Variants in SUPT3H observed in about 807,000 individuals in gnomAD.
SUPT3H encodes the protein transcription initiation protein SPT3 homolog.
A neutral mutation model predicts 44.3 loss-of-function variants in SUPT3H; 44 were observed. The ratio of observed to expected loss-of-function variants is 0.99; its 90% CI spans 0.78 to 1.28. The LOEUF (loss-of-function observed/expected upper bound fraction) is 1.28, where lower values mean the gene tolerates loss of function less well. Ranked by LOEUF, SUPT3H falls within the 50% of genes most tolerant of loss-of-function variation. The probability of loss-of-function intolerance (pLI) is 0.00; values close to 1 mark genes in which losing one functional copy is unlikely to be tolerated. For missense variants in SUPT3H, 380 were observed against 387.1 expected, an observed-to-expected ratio of 0.98 and a Z score of 0.15; for synonymous variants, 124 against 125.6, an observed-to-expected ratio of 0.99 and a Z score of 0.09.
chr6:45,173,957 C>T (rs1811253835), intron 2 of SUPT3H, among the ~76,000 whole-genome samples: 1 of 152,110 alleles, frequency 6.6e-6, no homozygotes, highest in Non-Finnish European at 1.5e-5. Context: ...ACTTTTGTGC[C>T]CCTGCTGCCC....
chr6:45,224,584 C>T (rs1277351205), intron 2 of SUPT3H, among the ~76,000 whole-genome samples: 1 of 152,052 alleles, frequency 6.6e-6, no homozygotes, highest in Non-Finnish European at 1.5e-5. Flanking sequence ...TCGAGACCAG[C>T]CTGGCCAAGA....
intron 2 of SUPT3H, among the ~76,000 whole-genome samples, chr6:45,127,329 TAATAAA>T (rs1802595245): frequency 6.6e-6 from 1 of 151,928 alleles, no homozygotes; most frequent in African/African-American, 2.4e-5. Flanking sequence ...AAATAAATAA[TAATAAA>T]AATAACAACT....
intron 10 of SUPT3H, among the ~76,000 whole-genome samples, chr6:44,870,356 T>A (rs1412678285): frequency 6.6e-6 from 1 of 151,868 alleles, no homozygotes; most frequent in Non-Finnish European, 1.5e-5. Context: ...CAGCACTTCG[T>A]GAGTCTGAGG....
chr6:44,816,251 A>G (rs1336390088), intron 11 of SUPT3H, among the ~76,000 whole-genome samples: 1 of 152,206 alleles, frequency 6.6e-6, no homozygotes, highest in Non-Finnish European at 1.5e-5. Context: ...GAAAAGGAAG[A>G]ATAAACAAAT....
At chr6:44,909,909 T>C (rs1386007097) in intron 10 of SUPT3H, among the ~76,000 whole-genome samples, 1 of 152,236 alleles carries the variant, frequency 6.6e-6, no homozygotes, top group Non-Finnish European at 1.5e-5. Context: ...CTGGCATGAA[T>C]ACAGTGAAAT....
chr6:45,203,787 C>A (rs1762776192), intron 2 of SUPT3H, among the ~76,000 whole-genome samples: 1 of 152,186 alleles, frequency 6.6e-6, no homozygotes, highest in Non-Finnish European at 1.5e-5. Context: ...CACTTTCTCT[C>A]TCATCTCCAG....
intron 11 of SUPT3H, among the ~76,000 whole-genome samples, chr6:44,816,582 C>CT (rs1464761379): frequency 6.6e-6 from 1 of 151,680 alleles, no homozygotes; most frequent in Non-Finnish European, 1.5e-5. Flanking sequence ...ACAAAAAACA[C>CT]TAATTCTACA....
intron 2 of SUPT3H, among the ~76,000 whole-genome samples, chr6:45,332,346 G>GTA (rs149380813): frequency 0.21 from 32,202 of 150,740 alleles, 4,313 homozygotes; most frequent in Non-Finnish European, 0.31. Flanking sequence ...TACCTCAACT[G>GTA]TATATATATA....
At chr6:44,890,261 A>G (rs950967686) in intron 10 of SUPT3H, among the ~76,000 whole-genome samples, 3 of 150,142 alleles carry the variant, frequency 2.0e-5, no homozygotes, top group African/African-American at 7.3e-5. Context: ...ATTACTGGGT[A>G]TATACCCAAA....
At chr6:45,188,438 A>C (rs1456770973) in intron 2 of SUPT3H, among the ~76,000 whole-genome samples, 1 of 152,224 alleles carries the variant, frequency 6.6e-6, no homozygotes, top group Non-Finnish European at 1.5e-5. Context: ...TGAAGGTGGA[A>C]AAGGCATTAA....
At chr6:44,903,206 C>T (rs1765398551) in intron 10 of SUPT3H, among the ~76,000 whole-genome samples, 1 of 152,068 alleles carries the variant, frequency 6.6e-6, no homozygotes, top group Non-Finnish European at 1.5e-5. Flanking sequence ...GAGATAGAGA[C>T]ACAAAAAACC....
chr6:45,241,510 T>C (rs1462399042), intron 2 of SUPT3H, among the ~76,000 whole-genome samples: 1 of 152,184 alleles, frequency 6.6e-6, no homozygotes, highest in South Asian at 2.1e-4. Flanking sequence ...TTTTAATCTA[T>C]AATCTATAGA....
chr6:44,915,877 C>A (rs1443026593), intron 10 of SUPT3H, among the ~76,000 whole-genome samples: 1 of 152,090 alleles, frequency 6.6e-6, no homozygotes, highest in Non-Finnish European at 1.5e-5. Flanking sequence ...TGTAAAAAAC[C>A]AAGCTGCACC....
chr6:45,200,079 A>T (rs1762241574), intron 2 of SUPT3H, among the ~76,000 whole-genome samples: 1 of 151,562 alleles, frequency 6.6e-6, no homozygotes, highest in Non-Finnish European at 1.5e-5. Context: ...TGTGCGACAG[A>T]TAAAAATCTT....
chr6:45,198,961 T>G (rs940675596), intron 2 of SUPT3H, among the ~76,000 whole-genome samples: 1 of 151,302 alleles, frequency 6.6e-6, no homozygotes, highest in Non-Finnish European at 1.5e-5. Context: ...AACACTTTAT[T>G]TCCCATACTG....
chr6:45,092,477 G>A (rs1009295590), intron 3 of SUPT3H, among the ~76,000 whole-genome samples: 7 of 152,058 alleles, frequency 4.6e-5, no homozygotes, highest in African/African-American at 1.4e-4. Context: ...TCAGCCGGGT[G>A]CGGTGGCTCA....
At chr6:44,935,598 CA>C (rs1771272559) in intron 9 of SUPT3H, among the ~76,000 whole-genome samples, 1 of 152,140 alleles carries the variant, frequency 6.6e-6, no homozygotes, top group Non-Finnish European at 1.5e-5. Context: ...AAAAGTTCTC[CA>C]TATGTCAGGT....
At chr6:45,271,441 G>A (rs895348699) in intron 2 of SUPT3H, among the ~76,000 whole-genome samples, 1 of 152,158 alleles carries the variant, frequency 6.6e-6, no homozygotes, top group African/African-American at 2.4e-5. Flanking sequence ...GTATAGCTCG[G>A]GCTGTGGCTT....
intron 2 of SUPT3H, among the ~76,000 whole-genome samples, chr6:45,272,768 G>A (rs1776408722): frequency 7.2e-6 from 1 of 137,972 alleles, no homozygotes; most frequent in South Asian, 2.6e-4. Context: ...CTAAAGCTTT[G>A]GCTGACTTTC....
Sources: allele counts gnomAD v4.1 joint callset (sites outside exome capture counted in the v4.1 genomes callset), GRCh38; gene constraint gnomAD v4.1.1; transcripts MANE v1.5; gene names NCBI Gene and HGNC (gene_info 2026-07-23, HGNC 2026-07-21).